RPH3AL: variants seen among roughly 807,000 people sequenced by gnomAD.
RPH3AL encodes the protein rabphilin 3A like (without C2 domains), also known as rab effector Noc2.
RPH3AL carries 38 observed loss-of-function variants against 43.1 expected under a neutral mutation model. That is an observed-to-expected ratio of 0.88 (90% CI 0.68 to 1.15). RPH3AL has a LOEUF of 1.15. Among genes scored for constraint, RPH3AL ranks in the 50% most tolerant of loss-of-function variants. The pLI is 0.00. For missense variants in RPH3AL, 462 were observed against 423.2 expected, an observed-to-expected ratio of 1.09 and a Z score of -0.81; for synonymous variants, 189 against 176.3, an observed-to-expected ratio of 1.07 and a Z score of -0.57.
intron 7 of RPH3AL, among the ~76,000 whole-genome samples, chr17:226,828 C>T (rs973167093): frequency 1.3e-5 from 2 of 152,250 alleles, no homozygotes; most frequent in African/African-American, 2.4e-5. Flanking sequence ...CAGACTCATA[C>T]ATCTGGCCCT....
chr17:258,016 T>TCCGTCCCTAGGAATG (rs2042101863), intron 6 of RPH3AL, among the ~76,000 whole-genome samples: 1 of 152,158 alleles, frequency 6.6e-6, no homozygotes. Flanking sequence ...TCTGTCCTTT[T>TCCGTCCCTAGGAATG]TTGGCTGCTT....
intron 5 of RPH3AL, among the ~76,000 whole-genome samples, chr17:286,295 C>G (rs2042909505): frequency 6.6e-6 from 1 of 152,180 alleles, no homozygotes; most frequent in Non-Finnish European, 1.5e-5. Flanking sequence ...GAACCTCTGC[C>G]TTCCCCTTAG....
intron 7 of RPH3AL, among the ~76,000 whole-genome samples, chr17:240,584 A>G (rs1447903270): frequency 1.3e-5 from 2 of 152,108 alleles, no homozygotes; most frequent in Non-Finnish European, 2.9e-5. Flanking sequence ...TCCACTTCGC[A>G]TGGTGTTTTC....
chr17:237,384 C>T (rs377443878), intron 7 of RPH3AL, among the ~76,000 whole-genome samples: 12 of 152,176 alleles, frequency 7.9e-5, no homozygotes, highest in South Asian at 2.1e-4. Context: ...TGAAGGGAAC[C>T]GGTGTGTCAC....
intron 6 of RPH3AL, among the ~76,000 whole-genome samples, chr17:272,368 G>A (rs912795046): frequency 4.6e-5 from 7 of 152,046 alleles, no homozygotes; most frequent in African/African-American, 1.2e-4. Context: ...ATGTCCATCA[G>A]TGATAGACTG....
intron 7 of RPH3AL, among the ~76,000 whole-genome samples, chr17:238,416 G>T (rs1323508506): frequency 2.0e-5 from 3 of 150,446 alleles, no homozygotes; most frequent in Non-Finnish European, 4.5e-5. Flanking sequence ...AGCTCTGGAG[G>T]TTGAAGAGAA....
intron 1 of RPH3AL, among the ~76,000 whole-genome samples, chr17:342,074 G>A (rs1207976866): frequency 6.6e-6 from 1 of 152,116 alleles, no homozygotes; most frequent in Non-Finnish European, 1.5e-5. Context: ...TTTCCCCAAA[G>A]AAGATACGCA....
Position 327,567 on chromosome 17 carries a change from TG to T in RPH3AL, c.-25del. On this transcript the variant is annotated 5_prime_UTR_variant, in exon 3 of 10. Transcript: ENST00000331302. ...ATGGCTCGGAGCACCCGGCTGGGGG[TG>T]GGGAGTCACATCTGAGATGAAGGAG... 6.2e-7 allele frequency: 1 copy of T among 1,609,742 alleles called. No individual in the cohort carries two copies.
Position 290,302 on chromosome 17 carries a change from T to G in RPH3AL, c.352-8448A>C, listed in dbSNP as rs1341192582. Among the ~76,000 whole-genome samples, 1 of 152,068 alleles carries G rather than the reference T, an allele frequency of 6.6e-6. No individual in the cohort carries two copies. The highest frequency in any genetic ancestry group is 1.5e-5 in the Non-Finnish European group (1 of 67,994). On this transcript the variant is annotated intron_variant, in intron 5 of 9. Transcript: ENST00000331302. The surrounding 1 kb of genome is among the most constrained non-coding windows in gnomAD (Gnocchi z 4.2). ...GCAAGTGTCCGAGGAGGTGGGGTGG[T>G]GGCCAGGTGGGCCTCAGTCTCAGGG...
At chr17:292,692 C>T (rs901274670) in intron 5 of RPH3AL, among the ~76,000 whole-genome samples, 8 of 152,138 alleles carry the variant, frequency 5.3e-5, no homozygotes, top group African/African-American at 1.9e-4. Context: ...CTCCCCACCC[C>T]GAGGTAAGGC....
intron 7 of RPH3AL, among the ~76,000 whole-genome samples, chr17:233,896 A>G (rs112905904): frequency 0.06 from 1,652 of 27,636 alleles, 9 homozygotes; most frequent in African/African-American, 0.09. Context: ...ACTTTCCCCC[A>G]AGCGGGGAGC....
rs927954514 is a variant in RPH3AL at position 245,421 on chromosome 17, A to ATG, written c.613+1688_613+1689dup. Among the ~76,000 whole-genome samples, 3 of 136,408 alleles carry ATG rather than the reference A, an allele frequency of 2.2e-5. No homozygotes were observed. Among genetic ancestry groups the ATG allele is most frequent in the Admixed American group, 7.5e-5 (1 of 13,268 alleles). The allele number at this position is 136,408 out of a possible 152,430, so 89.5% of individuals were successfully genotyped here. On this transcript the variant is annotated intron_variant, in intron 7 of 9. Coordinates refer to ENST00000331302, the MANE Select transcript of RPH3AL (RefSeq NM_006987.4). The surrounding 1 kb of genome is among the most constrained non-coding windows in gnomAD (Gnocchi z 5.9). ...TATCAGTGTGTGTGTGTGCATGGTG[A>ATG]TGTGTGTGTAGGTGTGAGCGTGTGT...
intron 6 of RPH3AL, among the ~76,000 whole-genome samples, chr17:272,957 T>TCAGGGAGAGACCCCAGCGAGGGCG (rs2042519076): frequency 3.7e-5 from 1 of 26,754 alleles, no homozygotes; most frequent in Non-Finnish European, 9.3e-5. Flanking sequence ...CAGCAAGGGC[T>TCAGGGAGAGACCCCAGCGAGGGCG]ACGTCAGGGT....
intron 5 of RPH3AL, among the ~76,000 whole-genome samples, chr17:282,599 G>T (rs1399301332): frequency 1.3e-5 from 2 of 152,252 alleles, no homozygotes. Context: ...AAGCAAGGTT[G>T]ATTAAGCTCA....
At chr17:247,507 T>G (rs1482719767) in intron 6 of RPH3AL, 4 of 518,582 alleles carry the variant, frequency 7.7e-6, no homozygotes, top group Non-Finnish European at 1.3e-5. Context: ...TATTTTAGAG[T>G]TGAGGACTTG....
chr17:344,473 A>ACAT (rs376718422), intron 1 of RPH3AL, among the ~76,000 whole-genome samples: 11,451 of 124,640 alleles, frequency 0.092, 2,503 homozygotes, highest in African/African-American at 0.3. Flanking sequence ...ACCATCACCC[A>ACAT]CATCATCATC....
intron 3 of RPH3AL, among the ~76,000 whole-genome samples, chr17:324,144 A>T (rs182085406): frequency 2.0e-5 from 3 of 152,238 alleles, no homozygotes; most frequent in Admixed American, 2.0e-4. Flanking sequence ...GCTAGCAGGA[A>T]TCTCGGGTTG....
intron 6 of RPH3AL, among the ~76,000 whole-genome samples, chr17:271,208 G>A (rs1263322759): frequency 5.3e-5 from 8 of 152,304 alleles, no homozygotes; most frequent in Middle Eastern, 6.8e-3. Flanking sequence ...ATCAGGTAGC[G>A]TGATGCCTCC....
rs746010955 is a variant in RPH3AL at position 274,236 on chromosome 17, C to T, written c.438+7532G>A. ...GAAAAGGCACCGCGAAACCCCAGCCCGGGGCCTCTGACAGCTCAGCACCAG... is the reference window on the plus strand; with the variant it reads ...GAAAAGGCACCGCGAAACCCCAGCCTGGGGCCTCTGACAGCTCAGCACCAG... On this transcript the variant is annotated intron_variant, in intron 6 of 9. Transcript: ENST00000331302. This position sits in a 1 kb window ranked among gnomAD's most constrained non-coding sequence, Gnocchi z 4.7. Among the ~76,000 whole-genome samples, 5 of 152,236 alleles carry T rather than the reference C, an allele frequency of 3.3e-5. No individual in the cohort carries two copies. The highest frequency in any genetic ancestry group is 1.3e-4 in the Admixed American group (2 of 15,282).
Sources: gnomAD v4.1 joint callset for allele counts (sites outside exome capture counted in the v4.1 genomes callset) on GRCh38, gnomAD v4.1.1 for gene constraint, Gnocchi (gnomAD v3.1) non-coding constraint, MANE v1.5 for transcripts, NCBI Gene and HGNC (gene_info 2026-07-23, HGNC 2026-07-21) for gene names.